The following PPME1 variants were observed in gnomAD, a reference collection of about 807,000 sequenced individuals.
PPME1 encodes testicular secretory protein Li 39.
PPME1 carries 17 observed loss-of-function variants against 56.9 expected under a neutral mutation model. That is an observed-to-expected ratio of 0.30 (90% CI 0.20 to 0.45). The LOEUF is 0.45. Ranked by LOEUF, PPME1 falls within the 20% of genes least tolerant of loss-of-function variation. PPME1 has a pLI of 1.00. For synonymous variants in PPME1, 122 were observed against 156.2 expected (o/e 0.78, Z 1.63); for missense variants, 357 against 483.2 (o/e 0.74, Z 2.45).
rs1859179993 is a variant in PPME1 at position 74,235,955 on chromosome 11, C to A, written c.699C>A (p.Gly233=). The A allele has an allele frequency of 1.2e-6, 2 of 1,612,098 alleles. No individual in the cohort carries two copies. The highest frequency in any genetic ancestry group is 3.3e-5 in the Admixed American group (2 of 59,772). ...AGTCTGCCCGTGTCTCAATGGTTGG[C>A]CAAGTCAAACAGTAGGTCTTACTCT... is the stretch of plus-strand genomic sequence containing the variant. ...NLESARVSMV[G]QVKQCEGITS... The change falls in exon 8 of 14, where the codon GGC becomes GGA. Residue 233 remains glycine (G), a synonymous_variant. Coordinates refer to ENST00000328257, the MANE Select transcript of PPME1 (RefSeq NM_016147.3).
intron 1 of PPME1, among the ~76,000 whole-genome samples, chr11:74,173,196 A>G (rs1857326229): frequency 6.6e-6 from 1 of 152,226 alleles, no homozygotes; most frequent in Non-Finnish European, 1.5e-5. Flanking sequence ...AATAAAGAGA[A>G]TTTGGAAACT....
rs1859500724 is a variant in PPME1, at chr11:74,246,269, T to TG, written c.964+66dup. 7 of 1,383,072 alleles carry TG rather than the reference T, an allele frequency of 5.1e-6. No individual in the cohort carries two copies. In the Admixed American group the frequency reaches 2.0e-4, roughly 39 times the overall value. 85.7% of individuals were successfully genotyped at this position (1,383,072 alleles called of 1,614,324 possible). On this transcript the variant is annotated intron_variant, in intron 10 of 13. Transcript: ENST00000328257. ...CCATAACCAAATATCATAGACTGAG[T>TG]GGCTTAAACAACAGAAATTTATTTT... is the stretch of plus-strand genomic sequence containing the variant.
intron 1 of PPME1, among the ~76,000 whole-genome samples, chr11:74,202,794 A>G (rs1227435879): frequency 6.6e-6 from 1 of 152,140 alleles, no homozygotes; most frequent in African/African-American, 2.4e-5. Flanking sequence ...AGGAACAGAG[A>G]TTGAAAATTT....
At position 74,251,714 on chromosome 11, in the gene PPME1, T is replaced by C. The variant is rs1335180617; in HGVS notation, c.1141T>C (p.Cys381Arg). ...RFAEPIGGFQ[C>R]VFPGC Reference sequence around the variant, plus strand: ...TGCAGAACCCATCGGTGGATTCCAGTGGTAAGGCGGGTACAAGGGTTTAAG... The same window carrying C: ...TGCAGAACCCATCGGTGGATTCCAGCGGTAAGGCGGGTACAAGGGTTTAAG... Residue 381 changes from cysteine to arginine, a missense_variant and splice_region_variant, in exon 13 of 14, where the codon TGT becomes CGT. By Grantham distance (180) the Cys-to-Arg change is radical. Transcript: ENST00000328257. 1.9e-6 allele frequency: 3 copies of C among 1,613,962 alleles called. No homozygotes were observed. Among genetic ancestry groups the C allele is most frequent in the Admixed American group, 1.7e-5 (1 of 60,034 alleles).
Position 74,237,275 on chromosome 11 carries a change from C to CTTTTTTTTTTTTT in PPME1, c.710+1315_710+1327dup, listed in dbSNP as rs763251745. Among the ~76,000 whole-genome samples, 140 of 127,992 alleles carry CTTTTTTTTTTTTT rather than the reference C, an allele frequency of 1.1e-3. 12 individuals carry two copies. The highest frequency in any genetic ancestry group is 4.2e-3 in the African/African-American group (130 of 30,768). The allele number at this position is 127,992 out of a possible 152,430, so 84.0% of individuals were successfully genotyped here. ...CAGGAAGTACATAATGTCTGGTTGT[C>CTTTTTTTTTTTTT]TTTTTTTTTTTTTTTTTTGAGACAG... On this transcript the variant is annotated intron_variant, in intron 8 of 13. Coordinates refer to ENST00000328257, the MANE Select transcript of PPME1 (RefSeq NM_016147.3).
intron 9 of PPME1, among the ~76,000 whole-genome samples, chr11:74,239,869 C>T (rs1859308033): frequency 6.6e-6 from 1 of 152,056 alleles, no homozygotes; most frequent in Admixed American, 6.5e-5. Context: ...CGTGAGCCAC[C>T]ATGCCCGGCC....
At chr11:74,240,804 C>T (rs191236472) in intron 9 of PPME1, among the ~76,000 whole-genome samples, 15 of 152,232 alleles carry the variant, frequency 9.9e-5, no homozygotes, top group East Asian at 3.9e-4. Flanking sequence ...TAATCAAGAA[C>T]GCATTTAGTA....
intron 9 of PPME1, among the ~76,000 whole-genome samples, chr11:74,243,770 C>CCTTT (rs371691886): frequency 5.1e-4 from 76 of 150,482 alleles, no homozygotes; most frequent in East Asian, 2.5e-3. Flanking sequence ...TTTTTCTTTT[C>CCTTT]CTTTCTTTCT....
intron 3 of PPME1, among the ~76,000 whole-genome samples, chr11:74,212,134 C>T (rs748393180): frequency 7.9e-5 from 12 of 152,284 alleles, no homozygotes; most frequent in South Asian, 6.2e-4. Context: ...ACTGACATCA[C>T]CCCTTCCCCA....
In PPME1 at chr11:74,246,088, C is replaced by T; in HGVS notation, c.847C>T (p.His283Tyr). Residue 283 changes from histidine (H) to tyrosine (Y), a missense_variant, in exon 10 of 14, where the codon CAT becomes TAT. Around this residue, in one of 2 missense-constraint regions of PPME1, gnomAD observed 182 missense variants for 293.8 expected, o/e 0.62. Coordinates refer to ENST00000328257, the MANE Select transcript of PPME1 (RefSeq NM_016147.3). ...KEDDMETKKD[H>Y]PYTWRIELAK... is the part of the protein sequence containing the mutation. ...CTTATTCCTCCAGACCAAGAAAGAC[C>T]ATCCATACACCTGGAGAATTGAACT... 1.3e-6 allele frequency: 2 copies of T among 1,579,282 alleles called. No homozygotes were observed. Among genetic ancestry groups the T allele is most frequent in the East Asian group, 2.3e-5 (1 of 43,418 alleles).
chr11:74,177,081 A>G (rs1958008671), intron 1 of PPME1, among the ~76,000 whole-genome samples: 1 of 151,986 alleles, frequency 6.6e-6, no homozygotes, highest in East Asian at 1.9e-4. Context: ...AAGACATTTT[A>G]TTTTTATCCA....
chr11:74,239,403 A>G, intron 9 of PPME1, 147 bp downstream of exon 9: 1 of 1,313,616 alleles, frequency 7.6e-7, no homozygotes, highest in Non-Finnish European at 1.0e-6. Flanking sequence ...TACTTAGCTT[A>G]ACTATAAGAT....
At chr11:74,217,352 G>A (rs1858675665) in intron 3 of PPME1, among the ~76,000 whole-genome samples, 1 of 151,882 alleles carries the variant, frequency 6.6e-6, no homozygotes. Flanking sequence ...GATCAGCCTG[G>A]CCAACATGGT....
chr11:74,175,820 A>T (rs1473060263), intron 1 of PPME1, among the ~76,000 whole-genome samples: 1 of 152,214 alleles, frequency 6.6e-6, no homozygotes, highest in Non-Finnish European at 1.5e-5. Context: ...TAAATGAGAA[A>T]ACTGAAATGT....
chr11:74,248,550 A>C (rs2135680893), intron 11 of PPME1: 1 of 152,272 alleles, frequency 6.6e-6, no homozygotes, highest in East Asian at 1.9e-4. Context: ...CCTTCCTTTA[A>C]CTACATTGTA....
chr11:74,228,889 C>T (rs1858996368), intron 5 of PPME1, among the ~76,000 whole-genome samples: 1 of 152,180 alleles, frequency 6.6e-6, no homozygotes, highest in Non-Finnish European at 1.5e-5. Context: ...ACTATAGAAG[C>T]AGCACTGGTG....
chr11:74,209,688 A>G (rs1858422763), intron 3 of PPME1, among the ~76,000 whole-genome samples: 1 of 152,200 alleles, frequency 6.6e-6, no homozygotes, highest in Non-Finnish European at 1.5e-5. Flanking sequence ...ACTAGTTAGA[A>G]GGCTATTCTT....
intron 1 of PPME1, among the ~76,000 whole-genome samples, chr11:74,182,311 T>C (rs1857561545): frequency 6.6e-6 from 1 of 152,168 alleles, no homozygotes; most frequent in South Asian, 2.1e-4. Context: ...GGAAACTTAC[T>C]GTATTTCCTC....
At chr11:74,197,510 A>C (rs1330161003) in intron 1 of PPME1, among the ~76,000 whole-genome samples, 1 of 152,242 alleles carries the variant, frequency 6.6e-6, no homozygotes. Context: ...ATGAAAGGGC[A>C]TCTTTGATCC....
Sources: allele counts gnomAD v4.1 joint callset (sites outside exome capture counted in the v4.1 genomes callset), GRCh38; gene constraint gnomAD v4.1.1; regional missense constraint gnomAD v4.1.1; transcripts MANE v1.5; gene names NCBI Gene and HGNC (gene_info 2026-07-23, HGNC 2026-07-21).